STAB2: variants seen among roughly 807,000 people sequenced by gnomAD.
STAB2 encodes stabilin-2.
STAB2 carries 288 observed loss-of-function variants against 338.1 expected under a neutral mutation model. The ratio of observed to expected loss-of-function variants is 0.85; its 90% confidence interval spans 0.77 to 0.94. The LOEUF (loss-of-function observed/expected upper bound fraction) is 0.94. Ranked by LOEUF, STAB2 falls within the 40% of genes least tolerant of loss-of-function variation. STAB2 has a pLI of 0.00. For synonymous variants in STAB2, 1,202 were observed against 1,193.3 expected, an observed-to-expected ratio of 1.01 and a Z score of -0.15; for missense variants, 3,141 against 3,210.1, an observed-to-expected ratio of 0.98 and a Z score of 0.52.
Position 103,750,693 on chromosome 12 carries a change from GCCAAATGTGTCGACCT to G in STAB2, c.6557_6572del (p.Lys2186ThrfsTer21). 1 of 1,613,966 alleles carries G rather than the reference GCCAAATGTGTCGACCT, an allele frequency of 6.2e-7. No homozygotes were observed. Among genetic ancestry groups the G allele is most frequent in the Non-Finnish European group, 8.5e-7 (1 of 1,179,854 alleles). On this transcript the variant is annotated frameshift_variant, in exon 60 of 69. Coordinates refer to ENST00000388887, the MANE Select transcript of STAB2 (RefSeq NM_017564.10). LOFTEE classifies it high-confidence loss of function. ...GGACAATGGGCAGTGCCATGCAGAC[GCCAAATGTGTCGACCT>G]CCACTTCCAGGGTTAGTGTGACCAG...
intron 6 of STAB2, among the ~76,000 whole-genome samples, chr12:103,635,345 C>T (rs1957527654): frequency 6.6e-6 from 1 of 152,176 alleles, no homozygotes; most frequent in Admixed American, 6.5e-5. Context: ...ATGAAGAGTG[C>T]CAGAAGGACT....
chr12:103,652,721 AT>A lies in STAB2; in HGVS notation c.1407+20del. The A allele has an allele frequency of 6.4e-7, 1 of 1,555,664 alleles. No homozygotes were observed. The highest frequency in any genetic ancestry group is 1.3e-5 in the South Asian group (1 of 78,666). On this transcript the variant is annotated intron_variant, in intron 12 of 68. Coordinates refer to ENST00000388887, the MANE Select transcript of STAB2 (RefSeq NM_017564.10). ...CAGCGATAAGGTAAGGGTTCCTCTG[AT>A]TTTCACTCCCAGAACTAAATTATCC...
chr12:103,595,022 A>G (rs1956855174), intron 3 of STAB2, among the ~76,000 whole-genome samples: 2 of 151,374 alleles, frequency 1.3e-5, no homozygotes, highest in South Asian at 2.1e-4. Context: ...GCAAATACAC[A>G]TATACATAAA....
intron 3 of STAB2, among the ~76,000 whole-genome samples, chr12:103,611,817 G>T (rs1024897764): frequency 1.3e-5 from 2 of 152,156 alleles, no homozygotes; most frequent in African/African-American, 4.8e-5. Context: ...TTTTGCAGTG[G>T]CTGGTACCGG....
At position 103,731,462 on chromosome 12, in the gene STAB2, A is replaced by T. The variant is rs139495424; in HGVS notation, c.5224-114A>T. 39 of 1,027,144 alleles carry T rather than the reference A, an allele frequency of 3.8e-5. No individual in the cohort carries two copies. The African/African-American group carries it at 6.3e-4, about 17-fold the overall frequency. The allele number at this position is 1,027,144 out of a possible 1,614,324, so 63.6% of individuals were successfully genotyped here. On this transcript the variant is annotated intron_variant, in intron 49 of 68. Coordinates refer to ENST00000388887, the MANE Select transcript of STAB2 (RefSeq NM_017564.10). Reference sequence around the variant, plus strand: ...AGTTGGAGCAGGTGCTGATGAGCCCATCTATGTATCCGTCAGGTTATGTTA... The same window carrying T: ...AGTTGGAGCAGGTGCTGATGAGCCCTTCTATGTATCCGTCAGGTTATGTTA...
chr12:103,609,453 T>G (rs1179651155), intron 3 of STAB2, among the ~76,000 whole-genome samples: 2 of 152,234 alleles, frequency 1.3e-5, no homozygotes, highest in African/African-American at 4.8e-5. Context: ...GAAGCAATTG[T>G]GAATGGGAGT....
At chr12:103,747,753 G>A (rs1883183732) in intron 58 of STAB2, among the ~76,000 whole-genome samples, 1 of 152,146 alleles carries the variant, frequency 6.6e-6, no homozygotes, top group African/African-American at 2.4e-5. Context: ...CTAGCACTTT[G>A]GGAGGCCGGG....
At chr12:103,620,575 T>C (rs1957283124) in intron 4 of STAB2, 22 bp downstream of exon 4, 1 of 1,549,960 alleles carries the variant, frequency 6.5e-7, no homozygotes, top group Non-Finnish European at 8.7e-7. Flanking sequence ...AATGTGTTCT[T>C]CCTTTCCTGG....
At chr12:103,761,058 G>A (rs1884499336) in intron 65 of STAB2, among the ~76,000 whole-genome samples, 1 of 152,208 alleles carries the variant, frequency 6.6e-6, no homozygotes, top group African/African-American at 2.4e-5. Context: ...TCATCTGTCA[G>A]ACAAGTGGGT....
chr12:103,707,625 T>C (rs1879479911), intron 38 of STAB2, among the ~76,000 whole-genome samples: 1 of 152,252 alleles, frequency 6.6e-6, no homozygotes, highest in Non-Finnish European at 1.5e-5. Flanking sequence ...ATCTGTATTC[T>C]CACATCCAGA....
chr12:103,704,259 GC>G (rs1879147373), intron 35 of STAB2, among the ~76,000 whole-genome samples: 2 of 152,192 alleles, frequency 1.3e-5, no homozygotes, highest in Admixed American at 1.3e-4. Context: ...TCTGAATCTG[GC>G]CCAATTCACT....
At chr12:103,730,304 TTATCATCTC>T (rs758162246) in intron 49 of STAB2, 48 bp downstream of exon 49, 1 of 1,587,186 alleles carries the variant, frequency 6.3e-7, no homozygotes, top group South Asian at 1.1e-5. Flanking sequence ...ACTCAATACA[TTATCATCTC>T]TATTCTGATT....
At chr12:103,631,819 A>C (rs762385528) in intron 6 of STAB2, 126 bp downstream of exon 6, 1 of 791,686 alleles carries the variant, frequency 1.3e-6, no homozygotes, top group Non-Finnish European at 2.1e-6. Context: ...TCTGGAAAGA[A>C]ACTAGAAATT....
chr12:103,682,148 C>A (rs73189870), intron 25 of STAB2, among the ~76,000 whole-genome samples: 1 of 126,288 alleles, frequency 7.9e-6, no homozygotes, highest in African/African-American at 2.9e-5. Context: ...GAAAAACATC[C>A]TGATGGGAAG....
intron 44 of STAB2, 131 bp downstream of exon 44, chr12:103,717,972 C>A: frequency 1.2e-6 from 1 of 853,910 alleles, no homozygotes; most frequent in Non-Finnish European, 1.9e-6. Flanking sequence ...GACCATGAGG[C>A]TTGTTTCTCT....
chr12:103,642,250 A>G (rs1262654048), intron 9 of STAB2, among the ~76,000 whole-genome samples: 2 of 152,194 alleles, frequency 1.3e-5, no homozygotes, highest in Non-Finnish European at 2.9e-5. Context: ...TTGCCTTTTT[A>G]CTTTTACTTA....
chr12:103,692,038 C>T (rs1296892963), intron 30 of STAB2, among the ~76,000 whole-genome samples: 1 of 152,238 alleles, frequency 6.6e-6, no homozygotes, highest in East Asian at 1.9e-4. Context: ...ACTACCATAA[C>T]AATGTACCAC....
At chr12:103,765,895 A>G in intron 68 of STAB2, 1 of 356,302 alleles carries the variant, frequency 2.8e-6, no homozygotes, top group Non-Finnish European at 5.5e-6. Flanking sequence ...CACTGGTTCA[A>G]GATGAATTTT....
chr12:103,734,901 C>T (rs1881986214), intron 51 of STAB2, among the ~76,000 whole-genome samples: 1 of 152,120 alleles, frequency 6.6e-6, no homozygotes, highest in Non-Finnish European at 1.5e-5. Flanking sequence ...GTAGTGTATC[C>T]CTCCAATCTG....
Sources: gnomAD v4.1 joint callset for allele counts (sites outside exome capture counted in the v4.1 genomes callset) on GRCh38, gnomAD v4.1.1 for gene constraint, MANE v1.5 for transcripts, NCBI Gene and HGNC (gene_info 2026-07-23, HGNC 2026-07-21) for gene names.